Variants in WDPCP observed in about 807,000 individuals in gnomAD.
The protein encoded by WDPCP is WD repeat-containing and planar cell polarity effector protein fritz homolog.
In WDPCP, 71 loss-of-function variants were observed where a neutral mutation model predicts 93.1. The ratio of observed to expected loss-of-function variants is 0.76; its 90% confidence interval spans 0.63 to 0.93. The LOEUF (loss-of-function observed/expected upper bound fraction) is 0.93, where lower values mean the gene tolerates loss of function less well. Among genes scored for constraint, WDPCP ranks in the 40% least tolerant of loss-of-function variants. The probability of loss-of-function intolerance (pLI) is 0.00; values close to 1 mark genes in which losing one functional copy is unlikely to be tolerated. For missense variants in WDPCP, 844 were observed against 887.4 expected (o/e 0.95, Z 0.62); for synonymous variants, 315 against 315.0 (o/e 1.00, Z 0.00).
chr2:63,156,609 G>T (rs1240460810), intron 15 of WDPCP, among the ~76,000 whole-genome samples: 1 of 151,952 alleles, frequency 6.6e-6, no homozygotes, highest in African/African-American at 2.4e-5. Context: ...GTGGTGGCAT[G>T]CACCTGTAAT....
chr2:63,410,842 C>A (rs1462838106), intron 9 of WDPCP, among the ~76,000 whole-genome samples: 1 of 152,110 alleles, frequency 6.6e-6, no homozygotes, highest in Non-Finnish European at 1.5e-5. Flanking sequence ...AGGAAAATAT[C>A]ACAGTCCTAA....
At chr2:63,711,537 G>A (rs74612184) in intron 2 of WDPCP, 1,897 of 152,300 alleles carry the variant, frequency 0.012, 16 homozygotes, top group Non-Finnish European at 0.015. Flanking sequence ...TTGGAGGATC[G>A]CTTCAGCCCA....
intron 1 of WDPCP, among the ~76,000 whole-genome samples, chr2:63,531,055 C>T (rs1479783374): frequency 2.0e-5 from 3 of 152,236 alleles, no homozygotes; most frequent in African/African-American, 7.2e-5. Context: ...ACGCCTGGCT[C>T]GCCAGGTCCC....
intron 3 of WDPCP, among the ~76,000 whole-genome samples, chr2:63,624,640 A>C (rs1709787279): frequency 6.6e-6 from 1 of 152,194 alleles, no homozygotes; most frequent in Non-Finnish European, 1.5e-5. Context: ...GGAAGAAGTC[A>C]AACCCTGAGT....
At chr2:63,438,630 G>T (rs1400059952) in intron 7 of WDPCP, among the ~76,000 whole-genome samples, 1 of 152,004 alleles carries the variant, frequency 6.6e-6, no homozygotes, top group Non-Finnish European at 1.5e-5. Flanking sequence ...ACTCCTGTAA[G>T]GAAGGGAAAA....
intron 3 of WDPCP, among the ~76,000 whole-genome samples, chr2:63,616,435 G>C (rs1398005375): frequency 6.6e-6 from 1 of 152,224 alleles, no homozygotes; most frequent in Non-Finnish European, 1.5e-5. Context: ...GTAGGAGCCA[G>C]TCCATGCTAG....
intron 17 of WDPCP, among the ~76,000 whole-genome samples, chr2:63,147,177 C>G (rs1671576084): frequency 6.6e-6 from 1 of 152,042 alleles, no homozygotes; most frequent in African/African-American, 2.4e-5. Context: ...TGATAAGGAG[C>G]TTGGACTTTA....
chr2:63,719,248 G>A (rs1179959554), intron 2 of WDPCP, among the ~76,000 whole-genome samples: 1 of 152,212 alleles, frequency 6.6e-6, no homozygotes, highest in African/African-American at 2.4e-5. Context: ...TGGAAATGTG[G>A]AGGAGGGGCT....
At chr2:63,614,200 C>T (rs1709648725) in intron 3 of WDPCP, among the ~76,000 whole-genome samples, 1 of 152,174 alleles carries the variant, frequency 6.6e-6, no homozygotes, top group African/African-American at 2.4e-5. Flanking sequence ...CCCATTCCCT[C>T]TCCCCTATGA....
chr2:63,610,851 T>C (rs1275800205), intron 3 of WDPCP, among the ~76,000 whole-genome samples: 2 of 152,216 alleles, frequency 1.3e-5, no homozygotes, highest in South Asian at 2.1e-4. Flanking sequence ...CTCAGCACTT[T>C]GGGGGACCCA....
intron 13 of WDPCP, among the ~76,000 whole-genome samples, chr2:63,291,242 T>C (rs1343753323): frequency 1.3e-5 from 2 of 152,194 alleles, no homozygotes; most frequent in East Asian, 3.9e-4. Context: ...AGAATCCCTA[T>C]CTTTTCAATC....
chr2:63,236,461 G>GAATT (rs1167370491), intron 14 of WDPCP, among the ~76,000 whole-genome samples: 1 of 152,062 alleles, frequency 6.6e-6, no homozygotes, highest in Non-Finnish European at 1.5e-5. Context: ...ATTTTTCACA[G>GAATT]AATTAGAAAA....
chr2:63,326,017 C>T (rs187659671), intron 12 of WDPCP, among the ~76,000 whole-genome samples: 11 of 152,282 alleles, frequency 7.2e-5, no homozygotes, highest in East Asian at 1.9e-4. Flanking sequence ...GTAGTTGCAG[C>T]GGTGGCTGTC....
intron 1 of WDPCP, among the ~76,000 whole-genome samples, chr2:63,563,585 G>C (rs570502808): frequency 1.1e-3 from 167 of 152,062 alleles, no homozygotes; most frequent in Admixed American, 1.4e-3. Flanking sequence ...ATGCATATAG[G>C]CCTGCTTTTT....
chr2:63,281,897 C>T (rs1683582865), intron 13 of WDPCP, among the ~76,000 whole-genome samples: 1 of 151,854 alleles, frequency 6.6e-6, no homozygotes. Flanking sequence ...GTGATGGGTG[C>T]ACCAAAATCT....
intron 14 of WDPCP, among the ~76,000 whole-genome samples, chr2:63,234,271 T>C (rs1385138177): frequency 6.7e-6 from 1 of 149,624 alleles, no homozygotes; most frequent in Non-Finnish European, 1.5e-5. Flanking sequence ...TGTTACCATC[T>C]ATCTTTTAGT....
intron 1 of WDPCP, among the ~76,000 whole-genome samples, chr2:63,528,846 A>G (rs940044439): frequency 1.8e-4 from 28 of 152,256 alleles, no homozygotes; most frequent in African/African-American, 6.3e-4. Flanking sequence ...CAATCCATGA[A>G]CATGGAATGT....
At chr2:63,693,847 T>C (rs1033571381) in intron 2 of WDPCP, among the ~76,000 whole-genome samples, 1 of 152,210 alleles carries the variant, frequency 6.6e-6, no homozygotes, top group African/African-American at 2.4e-5. Context: ...TTAGAGTTGT[T>C]AAGGATTCTG....
At chr2:63,588,890 C>T, upstream of WDPCP, 4 of 965,866 alleles carry the variant, frequency 4.1e-6, no homozygotes, top group Non-Finnish European at 6.5e-6. Flanking sequence ...ACCAGGGCAG[C>T]GTAAACTACA....
Sources: allele counts gnomAD v4.1 joint callset (sites outside exome capture counted in the v4.1 genomes callset), GRCh38; gene constraint gnomAD v4.1.1; transcripts MANE v1.5; gene names NCBI Gene and HGNC (gene_info 2026-07-23, HGNC 2026-07-21).